Variants in SMARCC1 observed in about 807,000 individuals in gnomAD.
The protein encoded by SMARCC1 is SWI/SNF related BAF chromatin remodeling complex subunit C1, also known as SWI/SNF complex subunit SMARCC1.
In SMARCC1, 43 loss-of-function variants were observed where a neutral mutation model predicts 147.4. That is an observed-to-expected ratio of 0.29 (90% CI 0.23 to 0.38). The LOEUF (loss-of-function observed/expected upper bound fraction) is 0.38, where lower values mean the gene tolerates loss of function less well. Among genes scored for constraint, SMARCC1 ranks in the 10% least tolerant of loss-of-function variants. The pLI is 1.00. For synonymous variants in SMARCC1, 495 were observed against 484.4 expected (o/e 1.02, Z -0.29); for missense variants, 1,119 against 1,381.1 (o/e 0.81, Z 3.01).
chr3:47,638,619 T>C (rs535888817), intron 22 of SMARCC1, 106 bp downstream of exon 22: 6 of 757,776 alleles, frequency 7.9e-6, no homozygotes, highest in Admixed American at 4.4e-5. Context: ...AAGTAGCTGA[T>C]AGAATTATTT....
chr3:47,740,861 A>C (rs943076760), intron 3 of SMARCC1, among the ~76,000 whole-genome samples: 2 of 151,662 alleles, frequency 1.3e-5, no homozygotes, highest in African/African-American at 2.4e-5. Context: ...AAAAAAAAAA[A>C]AAAAAAAACA....
intron 9 of SMARCC1, among the ~76,000 whole-genome samples, chr3:47,709,666 A>G (rs550536651): frequency 2.0e-5 from 3 of 152,298 alleles, no homozygotes; most frequent in Admixed American, 2.0e-4. Context: ...AGCCTGGGCA[A>G]CAGAGTGAGA....
intron 14 of SMARCC1, among the ~76,000 whole-genome samples, chr3:47,684,806 A>G (rs757525159): frequency 5.9e-5 from 9 of 152,110 alleles, no homozygotes; most frequent in Non-Finnish European, 1.3e-4. Flanking sequence ...AAGACCCCCA[A>G]TGGATGCCTG....
At chr3:47,598,316 A>C (rs1483022831) in intron 26 of SMARCC1, among the ~76,000 whole-genome samples, 2 of 152,200 alleles carry the variant, frequency 1.3e-5, no homozygotes, top group Non-Finnish European at 2.9e-5. Context: ...TGCAGACGAA[A>C]GAACACTCCT....
intron 14 of SMARCC1, among the ~76,000 whole-genome samples, chr3:47,685,591 G>C (rs573627168): frequency 6.6e-6 from 1 of 150,878 alleles, no homozygotes; most frequent in East Asian, 1.9e-4. Flanking sequence ...CAGGCGCGGT[G>C]GCTCACGCCT....
intron 8 of SMARCC1, among the ~76,000 whole-genome samples, chr3:47,712,562 C>T (rs1214234495): frequency 2.0e-5 from 3 of 152,064 alleles, no homozygotes; most frequent in Admixed American, 6.6e-5. Context: ...ACATCTTACA[C>T]GTATAATCTC....
At chr3:47,691,596 A>T (rs1163492239) in intron 12 of SMARCC1, among the ~76,000 whole-genome samples, 1 of 152,076 alleles carries the variant, frequency 6.6e-6, no homozygotes. Flanking sequence ...GCTGGGTGAC[A>T]AGAGCGAGAC....
chr3:47,701,630 A>G, intron 10 of SMARCC1: 5 of 455,930 alleles, frequency 1.1e-5, no homozygotes, highest in Non-Finnish European at 2.0e-5. Context: ...CCTGACCAAC[A>G]TAGCGAATCC....
intron 22 of SMARCC1, among the ~76,000 whole-genome samples, chr3:47,636,647 G>A (rs1320544304): frequency 6.6e-6 from 1 of 152,108 alleles, no homozygotes; most frequent in Non-Finnish European, 1.5e-5. Flanking sequence ...CAGGTACTCA[G>A]GAGACTGAGG....
chr3:47,725,560 C>T (rs1386494743), intron 6 of SMARCC1, among the ~76,000 whole-genome samples: 1 of 152,038 alleles, frequency 6.6e-6, no homozygotes. Flanking sequence ...GAGCAATTCT[C>T]CCACCTCAGC....
Position 47,719,690 on chromosome 3 carries a change from G to A in SMARCC1, c.716+976C>T, listed in dbSNP as rs546684665. Among the ~76,000 whole-genome samples, 37 of 151,834 alleles carry A rather than the reference G, an allele frequency of 2.4e-4. 1 individual carries two copies. The highest frequency in any genetic ancestry group is 7.5e-4 in the African/African-American group (31 of 41,332). ...TGTAATCCAGCCTGGGCGACAAAGC[G>A]GGACTCTGTCTCAAAAAAATCTGAT... On this transcript the variant is annotated intron_variant, in intron 7 of 27. Transcript: ENST00000254480.
intron 6 of SMARCC1, among the ~76,000 whole-genome samples, chr3:47,723,162 G>A (rs2034253004): frequency 6.6e-6 from 1 of 152,068 alleles, no homozygotes; most frequent in African/African-American, 2.4e-5. Flanking sequence ...TCAGAAATTA[G>A]CTAGCCCTCA....
At chr3:47,775,406 T>C (rs890981513) in intron 1 of SMARCC1, among the ~76,000 whole-genome samples, 3 of 149,094 alleles carry the variant, frequency 2.0e-5, no homozygotes, top group East Asian at 2.1e-4. Context: ...GTGATTCGCC[T>C]GCCTCGGCCT....
At chr3:47,693,898 T>C (rs912307319) in intron 11 of SMARCC1, among the ~76,000 whole-genome samples, 1 of 152,250 alleles carries the variant, frequency 6.6e-6, no homozygotes, top group East Asian at 1.9e-4. Flanking sequence ...CCTGAGCTCA[T>C]GCAATCCATT....
intron 2 of SMARCC1, among the ~76,000 whole-genome samples, chr3:47,752,364 T>A (rs1559663047): frequency 1.3e-5 from 2 of 152,092 alleles, no homozygotes; most frequent in African/African-American, 4.8e-5. Context: ...TCCAGCCCCA[T>A]CCTATAAACC....
intron 26 of SMARCC1, among the ~76,000 whole-genome samples, chr3:47,592,095 T>C (rs2032192359): frequency 6.6e-6 from 1 of 152,196 alleles, no homozygotes; most frequent in Non-Finnish European, 1.5e-5. Flanking sequence ...ATGGGACCAT[T>C]TGATAGCTAA....
At chr3:47,699,329 TA>T (rs1429901254) in intron 11 of SMARCC1, among the ~76,000 whole-genome samples, 5 of 152,192 alleles carry the variant, frequency 3.3e-5, no homozygotes, top group African/African-American at 1.2e-4. Context: ...TCCTGCTTAT[TA>T]TTTTTTTATC....
chr3:47,717,883 A>C (rs999631955), intron 7 of SMARCC1, among the ~76,000 whole-genome samples: 4 of 152,028 alleles, frequency 2.6e-5, no homozygotes, highest in African/African-American at 9.7e-5. Context: ...TTTTATATTA[A>C]GGAACTGTTT....
chr3:47,590,645 C>T lies in SMARCC1; in HGVS notation c.3220+16G>A, dbSNP rs752545707. On this transcript the variant is annotated intron_variant, in intron 27 of 27. Transcript: ENST00000254480. Reference sequence around the variant, plus strand: ...ACGGACCCTGAGATAATGCATCCCCCCTCCATGTTACTTACACATGCCGTT... The same window carrying T: ...ACGGACCCTGAGATAATGCATCCCCTCTCCATGTTACTTACACATGCCGTT... 2.4e-5 allele frequency: 36 copies of T among 1,496,972 alleles called. No individual in the cohort carries two copies. The highest frequency in any genetic ancestry group is 3.1e-5 in the Non-Finnish European group (35 of 1,128,350). The allele number at this position is 1,496,972 out of a possible 1,614,324, so 92.7% of individuals were successfully genotyped here.
Sources: allele counts gnomAD v4.1 joint callset (sites outside exome capture counted in the v4.1 genomes callset), GRCh38; gene constraint gnomAD v4.1.1; transcripts MANE v1.5; gene names NCBI Gene and HGNC (gene_info 2026-07-23, HGNC 2026-07-21).